Variants in BAZ1A observed in about 807,000 individuals in gnomAD.
BAZ1A encodes the protein bromodomain adjacent to zinc finger domain protein 1A.
Under a neutral mutation model 185.2 loss-of-function variants are expected in BAZ1A, and 50 were observed. The ratio of observed to expected loss-of-function variants is 0.27; its 90% CI spans 0.22 to 0.34. The LOEUF (loss-of-function observed/expected upper bound fraction) is 0.34. BAZ1A is among the 10% of genes least tolerant of loss of function. BAZ1A has a pLI of 1.00. For missense variants in BAZ1A, 1,356 were observed against 1,839.9 expected (o/e 0.74, Z 4.81); for synonymous variants, 571 against 615.6 (o/e 0.93, Z 1.07).
At chr14:34,759,885 G>T (rs1364989938) in intron 24 of BAZ1A, among the ~76,000 whole-genome samples, 1 of 152,026 alleles carries the variant, frequency 6.6e-6, no homozygotes, top group Non-Finnish European at 1.5e-5. Flanking sequence ...GTGTTGGCCA[G>T]GCTGGTCTCC....
At chr14:34,759,796 T>C (rs1476954544) in intron 24 of BAZ1A, among the ~76,000 whole-genome samples, 1 of 152,152 alleles carries the variant, frequency 6.6e-6, no homozygotes, top group African/African-American at 2.4e-5. Context: ...TGCCTCAGCC[T>C]CCCGAGTAGC....
At chr14:34,871,425 C>T (rs2042946533) in intron 2 of BAZ1A, among the ~76,000 whole-genome samples, 1 of 152,220 alleles carries the variant, frequency 6.6e-6, no homozygotes, top group Admixed American at 6.5e-5. Context: ...AGTTGATGTG[C>T]TATTGAGTCT....
chr14:34,757,664 CAAAACA>C (rs955839655), intron 25 of BAZ1A, among the ~76,000 whole-genome samples: 30 of 149,376 alleles, frequency 2.0e-4, no homozygotes, highest in African/African-American at 3.5e-4. Context: ...GACTTTGTCT[CAAAACA>C]AAAACAAAAA....
At chr14:34,823,159 G>A (rs1179150610) in intron 4 of BAZ1A, among the ~76,000 whole-genome samples, 4 of 152,094 alleles carry the variant, frequency 2.6e-5, no homozygotes, top group Admixed American at 1.3e-4. Context: ...TTCAAGACCT[G>A]CCTGGCCATC....
chr14:34,869,322 C>T (rs1347424745), intron 2 of BAZ1A, among the ~76,000 whole-genome samples: 1 of 152,196 alleles, frequency 6.6e-6, no homozygotes, highest in Admixed American at 6.5e-5. Flanking sequence ...TGTTCAGGTA[C>T]CACATGTGCA....
intron 23 of BAZ1A, 145 bp from the exon 24 acceptor site, chr14:34,762,368 G>A: frequency 2.8e-6 from 2 of 703,988 alleles, no homozygotes; most frequent in Non-Finnish European, 4.6e-6. Flanking sequence ...ATTCCTTAAA[G>A]AGTCAGTAAG....
intron 15 of BAZ1A, 73 bp downstream of exon 15, chr14:34,783,689 C>T: frequency 6.5e-7 from 1 of 1,533,996 alleles, no homozygotes; most frequent in East Asian, 2.3e-5. Context: ...ATTATAGCAC[C>T]ATGTGAAATA....
chr14:34,860,530 AAAAAAGCAAAAAAAAAAAAC>A (rs2042751750), intron 3 of BAZ1A, among the ~76,000 whole-genome samples: 1 of 149,360 alleles, frequency 6.7e-6, no homozygotes, highest in Non-Finnish European at 1.5e-5. Context: ...AAAAAAAAAA[AAAAAAGCAAAAAAAAAAAAC>A]AAAAACAAAC....
At chr14:34,864,455 T>G (rs188943367) in intron 2 of BAZ1A, among the ~76,000 whole-genome samples, 14 of 151,560 alleles carry the variant, frequency 9.2e-5, no homozygotes, top group African/African-American at 3.4e-4. Context: ...GTTTAAATTT[T>G]TTTAATGAGC....
chr14:34,763,554 G>A (rs955743300), intron 23 of BAZ1A, among the ~76,000 whole-genome samples: 3 of 152,064 alleles, frequency 2.0e-5, no homozygotes, highest in Admixed American at 6.5e-5. Context: ...TATAGCTACC[G>A]GTTAGACATA....
intron 12 of BAZ1A, among the ~76,000 whole-genome samples, chr14:34,792,099 C>T (rs950850369): frequency 6.6e-6 from 1 of 152,136 alleles, no homozygotes; most frequent in Non-Finnish European, 1.5e-5. Context: ...TAAAGTATTT[C>T]CTGGTCAGGC....
chr14:34,849,385 TTA>T (rs1190680473), intron 3 of BAZ1A, among the ~76,000 whole-genome samples: 1 of 152,230 alleles, frequency 6.6e-6, no homozygotes, highest in Non-Finnish European at 1.5e-5. Context: ...TGCTAATTTT[TTA>T]TGTTAGTATA....
intron 3 of BAZ1A, among the ~76,000 whole-genome samples, chr14:34,843,250 T>G (rs768471832): frequency 1.3e-5 from 2 of 152,204 alleles, no homozygotes; most frequent in African/African-American, 4.8e-5. Flanking sequence ...GTTACTGAAC[T>G]GAATCACACC....
At chr14:34,770,816 G>C (rs967190709) in intron 21 of BAZ1A, among the ~76,000 whole-genome samples, 2 of 152,030 alleles carry the variant, frequency 1.3e-5, no homozygotes, top group Non-Finnish European at 2.9e-5. Flanking sequence ...TTAAACACTT[G>C]GTATTTCTGA....
At chr14:34,758,681 A>G (rs1453919744) in intron 25 of BAZ1A, 23 bp downstream of exon 25, 1 of 1,611,500 alleles carries the variant, frequency 6.2e-7, no homozygotes, top group East Asian at 2.2e-5. Context: ...ACAGGAATAC[A>G]TTTTATCAAG....
chr14:34,868,179 G>A (rs2042892339), intron 2 of BAZ1A, among the ~76,000 whole-genome samples: 1 of 152,142 alleles, frequency 6.6e-6, no homozygotes, highest in Non-Finnish European at 1.5e-5. Flanking sequence ...AACTATACCT[G>A]TATTTTTAGG....
chr14:34,762,310 A>G (rs1886559738), intron 23 of BAZ1A, 87 bp from the exon 24 acceptor site: 1 of 1,280,494 alleles, frequency 7.8e-7, no homozygotes, highest in Admixed American at 2.3e-5. Flanking sequence ...TATTTAGCCA[A>G]TGAGTTTATA....
chr14:34,812,143 G>A (rs2041938818), intron 4 of BAZ1A, among the ~76,000 whole-genome samples: 1 of 151,322 alleles, frequency 6.6e-6, no homozygotes, highest in African/African-American at 2.4e-5. Context: ...CAGGGTGGGG[G>A]AGCCATTATT....
In BAZ1A at chr14:34,874,348, C is replaced by G. The variant is rs556318737; in HGVS notation, c.113+144G>C. Reference sequence around the variant, plus strand: ...CGTTCTCCAGGTGGAGGCCAGGAGGCAGAGAACCGCGGGCCCGGGGGCCAC... The same window carrying G: ...CGTTCTCCAGGTGGAGGCCAGGAGGGAGAGAACCGCGGGCCCGGGGGCCAC... On this transcript the variant is annotated intron_variant, in intron 2 of 26. Transcript: ENST00000360310. This position sits in a 1 kb window ranked among gnomAD's most constrained non-coding sequence, Gnocchi z 4.7. 159 of 764,594 alleles carry G rather than the reference C, an allele frequency of 2.1e-4. No individual in the cohort carries two copies. In the African/African-American group the frequency reaches 2.5e-3, roughly 12 times the overall value. 47.4% of individuals were successfully genotyped at this position (764,594 alleles called of 1,614,324 possible).
Sources: gnomAD v4.1 joint callset for allele counts (sites outside exome capture counted in the v4.1 genomes callset) on GRCh38, gnomAD v4.1.1 for gene constraint, Gnocchi (gnomAD v3.1) non-coding constraint, MANE v1.5 for transcripts, NCBI Gene and HGNC (gene_info 2026-07-23, HGNC 2026-07-21) for gene names.